The following TRPM3 variants were observed in gnomAD, a reference collection of about 807,000 sequenced individuals.
TRPM3 encodes transient receptor potential cation channel subfamily M member 3.
TRPM3 carries 77 observed loss-of-function variants against 181.2 expected under a neutral mutation model. That is an observed-to-expected ratio of 0.42 (90% CI 0.35 to 0.51). TRPM3 has a LOEUF of 0.51. Ranked by LOEUF, TRPM3 falls within the 20% of genes least tolerant of loss-of-function variation. TRPM3 has a pLI of 0.01. For synonymous variants in TRPM3, 745 were observed against 796.4 expected, an observed-to-expected ratio of 0.94 and a Z score of 1.09; for missense variants, 1,759 against 2,196.7, an observed-to-expected ratio of 0.80 and a Z score of 3.98.
At chr9:71,071,211 T>C (rs2062721775) in intron 1 of TRPM3, among the ~76,000 whole-genome samples, 1 of 152,196 alleles carries the variant, frequency 6.6e-6, no homozygotes, top group African/African-American at 2.4e-5. Context: ...GTCTCCCTGT[T>C]TCTCCCTTCC....
chr9:71,266,384 C>A (rs566329234), intron 1 of TRPM3, among the ~76,000 whole-genome samples: 1 of 152,032 alleles, frequency 6.6e-6, no homozygotes, highest in East Asian at 1.9e-4. Flanking sequence ...GAAAGGAAAC[C>A]GGTTTTTAAA....
In TRPM3 at chr9:70,828,012, G is replaced by A. The variant is rs369223458; in HGVS notation, c.808C>T (p.Arg270Trp). Residue 270 changes from arginine to tryptophan, a missense_variant, in exon 6 of 26, where the codon CGG becomes TGG. This residue lies in a region of TRPM3 where 737 missense variants were observed against 957.4 expected (regional missense o/e 0.77). Coordinates refer to ENST00000677713, the MANE Select transcript of TRPM3 (RefSeq NM_001366145.2). ...GGATTGGACATGGTCTGGTATGGCC[G>A]GACAACCTGCAGGGTATCAAATGGA... ...QEDLIGRDVV[R>W]PYQTMSNPMS... 2.5e-5 allele frequency: 41 copies of A among 1,608,436 alleles called. No individual in the cohort carries two copies. The highest frequency in any genetic ancestry group is 4.5e-5 in the East Asian group (2 of 44,802).
chr9:70,918,396 T>TA (rs946487838), intron 1 of TRPM3, among the ~76,000 whole-genome samples: 92 of 152,192 alleles, frequency 6.0e-4, no homozygotes, highest in African/African-American at 2.2e-3. Flanking sequence ...CTTAAGGCAT[T>TA]AAAAAAAGTT....
At chr9:70,792,667 G>GAGAC (rs2085792519) in intron 6 of TRPM3, among the ~76,000 whole-genome samples, 1 of 150,808 alleles carries the variant, frequency 6.6e-6, no homozygotes, top group Non-Finnish European at 1.5e-5. Context: ...AAGACAGAGA[G>GAGAC]AGAGAGAGAG....
At chr9:71,001,938 G>T (rs1188863446) in intron 1 of TRPM3, among the ~76,000 whole-genome samples, 2 of 152,212 alleles carry the variant, frequency 1.3e-5, no homozygotes, top group Non-Finnish European at 2.9e-5. Context: ...ATTTGGGATG[G>T]CAGGTGTGCC....
At chr9:70,661,372 C>G (rs2061114717) in intron 9 of TRPM3, among the ~76,000 whole-genome samples, 1 of 152,054 alleles carries the variant, frequency 6.6e-6, no homozygotes. Context: ...TCCCTGAGAA[C>G]AGGAACAAGA....
At chr9:70,830,054 C>A (rs923873417) in intron 5 of TRPM3, among the ~76,000 whole-genome samples, 6 of 152,124 alleles carry the variant, frequency 3.9e-5, no homozygotes, top group African/African-American at 1.2e-4. Flanking sequence ...GCAGTTCCTG[C>A]AAGAGTCCTT....
At chr9:70,657,405 T>G (rs116630982) in intron 9 of TRPM3, among the ~76,000 whole-genome samples, 2,042 of 152,140 alleles carry the variant, frequency 0.013, 50 homozygotes, top group African/African-American at 0.045. Flanking sequence ...TATAAGTTGT[T>G]TTTCCTTGGG....
At chr9:70,762,334 C>T (rs1049535965) in intron 7 of TRPM3, among the ~76,000 whole-genome samples, 6 of 152,166 alleles carry the variant, frequency 3.9e-5, no homozygotes, top group Non-Finnish European at 8.8e-5. Context: ...ATAGTATTAG[C>T]TGCCTGATTA....
chr9:71,031,814 A>G (rs1157932259), intron 1 of TRPM3, among the ~76,000 whole-genome samples: 2 of 149,180 alleles, frequency 1.3e-5, no homozygotes, highest in African/African-American at 4.9e-5. Context: ...ATAATTTGAA[A>G]GCCATTAAAA....
chr9:70,543,481 C>T (rs1237261503), intron 25 of TRPM3, among the ~76,000 whole-genome samples: 4 of 152,130 alleles, frequency 2.6e-5, no homozygotes, highest in African/African-American at 9.7e-5. Context: ...TTCTCATCCC[C>T]TCTCCAATCC....
chr9:71,094,998 C>T (rs2066890418), intron 1 of TRPM3, among the ~76,000 whole-genome samples: 1 of 152,282 alleles, frequency 6.6e-6, no homozygotes, highest in East Asian at 1.9e-4. Flanking sequence ...TCTAAGTCCT[C>T]TTAGCATACT....
At chr9:71,113,018 G>A (rs1228515304) in intron 1 of TRPM3, among the ~76,000 whole-genome samples, 1 of 152,172 alleles carries the variant, frequency 6.6e-6, no homozygotes, top group Admixed American at 6.6e-5. Context: ...GTAGGCAGAG[G>A]CCAGATCACC....
chr9:71,201,004 G>A (rs1318464335), intron 1 of TRPM3, among the ~76,000 whole-genome samples: 1 of 152,058 alleles, frequency 6.6e-6, no homozygotes, highest in East Asian at 1.9e-4. Context: ...TTTTGCAGTG[G>A]CTGGTACTGG....
intron 1 of TRPM3, among the ~76,000 whole-genome samples, chr9:71,268,457 A>G (rs550073357): frequency 1.3e-5 from 2 of 152,276 alleles, no homozygotes; most frequent in Admixed American, 1.3e-4. Context: ...GATAAAATTA[A>G]ACAACTATAG....
In TRPM3 at chr9:71,282,398, AAGGAAAAG is replaced by A. The variant is rs1565419116; in HGVS notation, c.183+164247_183+164254del. ...AAGAAAGAAAGAAAGGAAAGAAAGA[AAGGAAAAG>A]AAAGAAAAAGAAAAAGAAAGAAAAA... On this transcript the variant is annotated intron_variant, in intron 1 of 24. Transcript: ENST00000357533. 2.4e-3 allele frequency among the ~76,000 whole-genome samples: 305 copies of A among 124,624 alleles called. 58 individuals are homozygous for A. The highest frequency in any genetic ancestry group is 8.7e-3 in the African/African-American group (233 of 26,874). The allele number at this position is 124,624 out of a possible 152,430, so 81.8% of individuals were successfully genotyped here. A position where few individuals can be genotyped will look rare whatever the true frequency, so the allele number is the denominator to read the frequency against.
chr9:70,949,607 T>A (rs2096975194), intron 1 of TRPM3, among the ~76,000 whole-genome samples: 1 of 151,646 alleles, frequency 6.6e-6, no homozygotes, highest in Non-Finnish European at 1.5e-5. Flanking sequence ...TCATAACTCG[T>A]CATTTGCCAA....
intron 1 of TRPM3, among the ~76,000 whole-genome samples, chr9:71,359,035 C>T (rs969087554): frequency 1.3e-5 from 2 of 152,122 alleles, no homozygotes; most frequent in African/African-American, 4.8e-5. Context: ...TGATATAGTG[C>T]CTCACTGAGT....
intron 1 of TRPM3, among the ~76,000 whole-genome samples, chr9:71,233,064 T>C (rs1404446696): frequency 6.6e-6 from 1 of 152,116 alleles, no homozygotes; most frequent in Non-Finnish European, 1.5e-5. Context: ...GAAAGTGCCA[T>C]ATGTAGCTAG....
Sources: gnomAD v4.1 joint callset for allele counts (sites outside exome capture counted in the v4.1 genomes callset) on GRCh38, gnomAD v4.1.1 for gene constraint, gnomAD v4.1.1 regional missense constraint, MANE v1.5 for transcripts, NCBI Gene and HGNC (gene_info 2026-07-23, HGNC 2026-07-21) for gene names.